Variants in WRN observed in about 807,000 individuals in gnomAD.
WRN encodes the protein bifunctional 3'-5' exonuclease/ATP-dependent helicase WRN.
In WRN, 149 loss-of-function variants were observed where a neutral mutation model predicts 180.7. That is an observed-to-expected ratio of 0.82 (90% CI 0.72 to 0.94). WRN has a LOEUF of 0.94. Ranked by LOEUF, WRN falls within the 40% of genes least tolerant of loss-of-function variation. WRN has a pLI of 0.00. For synonymous variants in WRN, 548 were observed against 568.9 expected (o/e 0.96, Z 0.52); for missense variants, 1,661 against 1,700.1 (o/e 0.98, Z 0.40).
chr8:31,096,904 T>G (rs1402343732), intron 17 of WRN, 54 bp downstream of exon 17: 1 of 1,489,852 alleles, frequency 6.7e-7, no homozygotes, highest in Non-Finnish European at 9.4e-7. Context: ...TATTTAAAGT[T>G]AAACCTATGG....
At chr8:31,084,789 A>G (rs1165942219) in intron 10 of WRN, among the ~76,000 whole-genome samples, 3 of 152,178 alleles carry the variant, frequency 2.0e-5, no homozygotes, top group Non-Finnish European at 2.9e-5. Context: ...AAAAACAGCT[A>G]TTGTTCTTTG....
chr8:31,167,975 A>G (rs768800297), intron 34 of WRN, among the ~76,000 whole-genome samples: 5 of 152,246 alleles, frequency 3.3e-5, no homozygotes, highest in Non-Finnish European at 4.4e-5. Context: ...GGTAAATTCA[A>G]TGTGGTAGTA....
intron 7 of WRN, among the ~76,000 whole-genome samples, chr8:31,071,917 G>C (rs1295330754): frequency 6.6e-6 from 1 of 152,250 alleles, no homozygotes; most frequent in African/African-American, 2.4e-5. Context: ...ATAAGCAACA[G>C]GGATGAAAAG....
intron 34 of WRN, 84 bp from the exon 35 acceptor site, chr8:31,172,911 A>G: frequency 8.3e-7 from 1 of 1,201,378 alleles, no homozygotes; most frequent in Non-Finnish European, 1.2e-6. Flanking sequence ...GTGTGTATTC[A>G]GGAACTTATG....
chr8:31,166,787 TG>T (rs1452246333), intron 33 of WRN, among the ~76,000 whole-genome samples: 1 of 152,106 alleles, frequency 6.6e-6, no homozygotes, highest in Non-Finnish European at 1.5e-5. Flanking sequence ...ATTTATGCAG[TG>T]TCAATAGTAC....
rs567497786 is a variant in WRN, at chr8:31,070,334, T to C, written c.724+2007T>C. Among the ~76,000 whole-genome samples the C allele has an allele frequency of 9.9e-5, 15 of 152,214 alleles. No homozygotes were observed. In the South Asian group the frequency reaches 3.1e-3, roughly 32 times the overall value. On this transcript the variant is annotated intron_variant, in intron 7 of 34. Coordinates refer to ENST00000298139, the MANE Select transcript of WRN (RefSeq NM_000553.6). The stretch of plus-strand genomic sequence containing the variant: ...TCGAATGACCACTTTTCTCTTTTGC[T>C]TTTTATTATTAGACTGTTTTTTTCT...
At chr8:31,041,172 A>G (rs957173486) in intron 1 of WRN, among the ~76,000 whole-genome samples, 1 of 152,216 alleles carries the variant, frequency 6.6e-6, no homozygotes, top group African/African-American at 2.4e-5. Flanking sequence ...AAGATCTGCC[A>G]GGAGACATAC....
intron 24 of WRN, among the ~76,000 whole-genome samples, chr8:31,140,746 T>TTTTTG (rs958814849): frequency 9.9e-5 from 15 of 152,004 alleles, no homozygotes; most frequent in South Asian, 2.1e-4. Flanking sequence ...GCATTGCGTT[T>TTTTTG]TTTTGTTTTG....
intron 8 of WRN, among the ~76,000 whole-genome samples, chr8:31,077,069 A>G (rs1375482078): frequency 1.3e-5 from 2 of 152,222 alleles, no homozygotes; most frequent in Non-Finnish European, 2.9e-5. Flanking sequence ...AATAGAAAGA[A>G]TTCTGACTCG....
intron 34 of WRN, among the ~76,000 whole-genome samples, chr8:31,169,895 A>C (rs1804039970): frequency 6.6e-6 from 1 of 152,004 alleles, no homozygotes; most frequent in Non-Finnish European, 1.5e-5. Context: ...TGCTCTCTTC[A>C]CCTAAGAGAC....
In WRN at chr8:31,150,366, A is replaced by G. The variant is rs1774707710; in HGVS notation, c.3598A>G (p.Arg1200Gly). The change falls in exon 31 of 35, where the codon AGG becomes GGG. Residue 1200 changes from arginine (R) to glycine (G), a missense_variant. Arg to Gly is a moderately radical substitution (Grantham distance 125). Coordinates refer to ENST00000298139, the MANE Select transcript of WRN (RefSeq NM_000553.6). ...ACCAACTACGGTTGAAAACGTAAAA[A>G]GGATTGATGGTGTTTCTGAAGGCAA... Reference protein sequence around the residue: ...MRPTTVENVKRIDGVSEGKAA... With the variant: ...MRPTTVENVKGIDGVSEGKAA... The G allele has an allele frequency of 1.9e-6, 3 of 1,614,194 alleles. No individual in the cohort carries two copies. Among genetic ancestry groups the G allele is most frequent in the East Asian group, 2.2e-5 (1 of 44,870 alleles).
chr8:31,156,297 T>A (rs1803383168), intron 32 of WRN, among the ~76,000 whole-genome samples: 1 of 152,216 alleles, frequency 6.6e-6, no homozygotes, highest in Non-Finnish European at 1.5e-5. Flanking sequence ...TCTTCATTTG[T>A]GTCTTTTGGT....
intron 1 of WRN, among the ~76,000 whole-genome samples, chr8:31,042,100 T>C (rs1411982187): frequency 1.3e-5 from 2 of 152,084 alleles, no homozygotes; most frequent in Admixed American, 1.3e-4. Context: ...TGGAATTGAG[T>C]TTCTAGAGGG....
At chr8:31,168,412 A>G (rs887885867) in intron 34 of WRN, among the ~76,000 whole-genome samples, 9 of 151,128 alleles carry the variant, frequency 6.0e-5, no homozygotes, top group Admixed American at 5.3e-4. Flanking sequence ...TTGTAGTGAA[A>G]TATTATTTTA....
chr8:31,111,578 T>C, intron 18 of WRN, 37 bp from the exon 19 acceptor site: 1 of 1,609,556 alleles, frequency 6.2e-7, no homozygotes, highest in Non-Finnish European at 8.5e-7. Context: ...ATGAATGAGC[T>C]CTTTCCTTTT....
In WRN at chr8:31,141,615, A is replaced by C. The variant is rs765412753; in HGVS notation, c.3138+15A>C. The C allele has an allele frequency of 1.1e-5, 18 of 1,613,954 alleles. No individual in the cohort carries two copies. Among genetic ancestry groups the C allele is most frequent in the Non-Finnish European group, 1.4e-5 (16 of 1,179,992 alleles). On this transcript the variant is annotated intron_variant, in intron 25 of 34. Transcript: ENST00000298139. Reference sequence around the variant, plus strand: ...TTACGAAAAAGGTAAACGGTGTAGGAGTCTGCCTGTTTGACTTAATTTTGT... The same window carrying C: ...TTACGAAAAAGGTAAACGGTGTAGGCGTCTGCCTGTTTGACTTAATTTTGT...
chr8:31,148,131 C>T (rs1372150483), intron 30 of WRN, among the ~76,000 whole-genome samples: 1 of 152,172 alleles, frequency 6.6e-6, no homozygotes, highest in Non-Finnish European at 1.5e-5. Context: ...AAGCAATCTT[C>T]CCGCCTCAGT....
At chr8:31,056,976 C>G (rs1236412648) in intron 1 of WRN, among the ~76,000 whole-genome samples, 1 of 152,072 alleles carries the variant, frequency 6.6e-6, no homozygotes, top group Non-Finnish European at 1.5e-5. Context: ...TCTCTCTCCC[C>G]CAGTGGTGAA....
rs755823012 is a variant in WRN, at chr8:31,090,517, G to T, written c.1705G>T (p.Ala569Ser). The T allele has an allele frequency of 1.2e-6, 2 of 1,612,138 alleles. No individual in the cohort carries two copies. The highest frequency in any genetic ancestry group is 2.2e-5 in the South Asian group (2 of 90,946). The change falls in exon 14 of 35, where the codon GCT becomes TCT. Residue 569 changes from alanine to serine, a missense_variant. Coordinates refer to ENST00000298139, the MANE Select transcript of WRN (RefSeq NM_000553.6). ...SVLEERRDNV[A>S]VMATGYGKSL... ...ATTAGAAGAAAGAAGAGATAATGTT[G>T]CTGTCATGGCAACTGGTAAGTTGTA... is the stretch of plus-strand genomic sequence containing the variant.
Sources: gnomAD v4.1 joint callset for allele counts (sites outside exome capture counted in the v4.1 genomes callset) on GRCh38, gnomAD v4.1.1 for gene constraint, MANE v1.5 for transcripts, NCBI Gene and HGNC (gene_info 2026-07-23, HGNC 2026-07-21) for gene names.